The following CSMD1 variants were observed in gnomAD, a reference collection of about 807,000 sequenced individuals.
CSMD1 encodes the protein CUB and sushi domain-containing protein 1.
A neutral mutation model predicts 417.5 loss-of-function variants in CSMD1; 213 were observed. The observed-to-expected ratio is 0.51, with a 90% CI of 0.46 to 0.57. CSMD1 has a LOEUF of 0.57. CSMD1 is among the 20% of genes least tolerant of loss of function. CSMD1 has a pLI of 0.00. For synonymous variants in CSMD1, 2,862 were observed against 1,736.8 expected (o/e 1.65, Z -16.11); for missense variants, 6,923 against 4,529.7 (o/e 1.53, Z -15.17).
At position 4,262,790 on chromosome 8, in the gene CSMD1, G is replaced by C. The variant is rs557244908; in HGVS notation, c.415+157163C>G. On this transcript the variant is annotated intron_variant, in intron 3 of 69. Transcript: ENST00000635120. ...TCAGCTATGGAGAGGAAGGAAGTAT[G>C]TTCCACCAGATACCCAGAGACAATG... Among the ~76,000 whole-genome samples the C allele has an allele frequency of 8.5e-5, 13 of 152,290 alleles. No homozygotes were observed. The South Asian group carries it at 2.5e-3, about 29-fold the overall frequency.
At chr8:4,709,448 T>G (rs538000440) in intron 1 of CSMD1, among the ~76,000 whole-genome samples, 1 of 152,076 alleles carries the variant, frequency 6.6e-6, no homozygotes, top group Admixed American at 6.6e-5. Flanking sequence ...ACACAGGAAA[T>G]AGAGGGACTC....
intron 1 of CSMD1, among the ~76,000 whole-genome samples, chr8:4,954,959 C>G (rs2117302042): frequency 6.6e-6 from 1 of 152,250 alleles, no homozygotes; most frequent in East Asian, 1.9e-4. Flanking sequence ...ACACTTTTAT[C>G]TTTTAGAATG....
intron 18 of CSMD1, among the ~76,000 whole-genome samples, chr8:3,379,943 A>G (rs1810531395): frequency 6.6e-6 from 1 of 152,188 alleles, no homozygotes; most frequent in African/African-American, 2.4e-5. Context: ...AAAGTACCTC[A>G]GAGTGAACAG....
At chr8:3,902,734 A>G (rs1408067547) in intron 5 of CSMD1, among the ~76,000 whole-genome samples, 1 of 151,932 alleles carries the variant, frequency 6.6e-6, no homozygotes, top group Non-Finnish European at 1.5e-5. Context: ...GGGATTAGAG[A>G]CCCCTGCTGA....
At chr8:3,204,548 G>A (rs893229128) in intron 31 of CSMD1, among the ~76,000 whole-genome samples, 2 of 152,158 alleles carry the variant, frequency 1.3e-5, no homozygotes, top group Non-Finnish European at 2.9e-5. Context: ...GAACAGCAAG[G>A]TTTGGGGAGG....
Position 3,310,608 on chromosome 8 carries a change from C to G in CSMD1, c.3632-2105G>C, listed in dbSNP as rs143186567. ...GAAATAACCATTAGGCACACAAAAT[C>G]GGGGTGTAAAAAACTTTTGAGTTCA... On this transcript the variant is annotated intron_variant, in intron 23 of 69. Coordinates refer to ENST00000635120, the MANE Select transcript of CSMD1 (RefSeq NM_033225.6). Among the ~76,000 whole-genome samples, 6 of 152,246 alleles carry G rather than the reference C, an allele frequency of 3.9e-5. No homozygotes were observed. The East Asian group carries it at 1.2e-3, about 29-fold the overall frequency.
intron 2 of CSMD1, among the ~76,000 whole-genome samples, chr8:4,460,101 C>T (rs1257559062): frequency 6.6e-6 from 1 of 152,104 alleles, no homozygotes; most frequent in Admixed American, 6.5e-5. Context: ...CACAACAGAG[C>T]ATATGCCATG....
At chr8:4,884,307 A>T (rs1465271993) in intron 1 of CSMD1, among the ~76,000 whole-genome samples, 2 of 151,926 alleles carry the variant, frequency 1.3e-5, no homozygotes, top group Non-Finnish European at 1.5e-5. Context: ...CGCCCAATTT[A>T]TCTCCCATTC....
At chr8:3,734,327 GC>G (rs1796416139) in intron 6 of CSMD1, among the ~76,000 whole-genome samples, 1 of 152,146 alleles carries the variant, frequency 6.6e-6, no homozygotes, top group African/African-American at 2.4e-5. Flanking sequence ...ATTACTGATA[GC>G]CAAGAGACTG....
chr8:3,776,029 T>A (rs1798868755), intron 5 of CSMD1, among the ~76,000 whole-genome samples: 1 of 152,192 alleles, frequency 6.6e-6, no homozygotes, highest in African/African-American at 2.4e-5. Flanking sequence ...TGACTCTCTA[T>A]TCCATGTGCT....
rs1014986977 is a variant in CSMD1 at position 4,103,279 on chromosome 8, C to G, written c.416-71180G>C. ...GTATACATACATTATATATATCATACTGAAAGTATGACGTGTGTGTGCATA... is the reference window on the plus strand; with the variant it reads ...GTATACATACATTATATATATCATAGTGAAAGTATGACGTGTGTGTGCATA... On this transcript the variant is annotated intron_variant, in intron 3 of 69. Coordinates refer to ENST00000635120, the MANE Select transcript of CSMD1 (RefSeq NM_033225.6). 2.0e-4 allele frequency among the ~76,000 whole-genome samples: 18 copies of G among 91,826 alleles called. No homozygotes were observed. In the East Asian group the frequency reaches 5.4e-3, roughly 28 times the overall value. 60.2% of individuals were successfully genotyped at this position (91,826 alleles called of 152,430 possible).
At chr8:3,851,945 G>C (rs531501704) in intron 5 of CSMD1, among the ~76,000 whole-genome samples, 6 of 152,260 alleles carry the variant, frequency 3.9e-5, no homozygotes, top group African/African-American at 1.4e-4. Flanking sequence ...GAATATGTGA[G>C]CTAGAGAGAT....
intron 18 of CSMD1, among the ~76,000 whole-genome samples, chr8:3,386,507 G>C (rs58689594): frequency 8.7e-4 from 132 of 152,278 alleles, no homozygotes; most frequent in African/African-American, 3.1e-3. Flanking sequence ...TGGTGACAAA[G>C]GTCAAAGATT....
chr8:4,972,663 C>G (rs1314808481), intron 1 of CSMD1, among the ~76,000 whole-genome samples: 1 of 151,546 alleles, frequency 6.6e-6, no homozygotes, highest in Non-Finnish European at 1.5e-5. Context: ...TATTCAAAGA[C>G]AAATCGTTGA....
intron 37 of CSMD1, among the ~76,000 whole-genome samples, chr8:3,174,857 G>T (rs925176129): frequency 4.6e-5 from 7 of 151,954 alleles, no homozygotes; most frequent in African/African-American, 1.7e-4. Context: ...CACTTAAAGA[G>T]AAGGCAGTTT....
intron 9 of CSMD1, among the ~76,000 whole-genome samples, chr8:3,583,792 C>T (rs901129688): frequency 2.0e-5 from 3 of 152,018 alleles, no homozygotes; most frequent in African/African-American, 7.2e-5. Flanking sequence ...CCTGAAACCT[C>T]AGAGTGACTG....
intron 5 of CSMD1, among the ~76,000 whole-genome samples, chr8:3,769,969 A>G (rs1021348509): frequency 2.6e-5 from 4 of 152,172 alleles, no homozygotes; most frequent in Admixed American, 2.6e-4. Flanking sequence ...TTTGAAAGGC[A>G]CTCTGTGAAT....
chr8:4,193,745 A>T (rs982358169), intron 3 of CSMD1, among the ~76,000 whole-genome samples: 1 of 152,118 alleles, frequency 6.6e-6, no homozygotes, highest in South Asian at 2.1e-4. Flanking sequence ...AATGTTTAAC[A>T]AGTGATTTTG....
chr8:3,458,471 T>G (rs771798462), intron 12 of CSMD1, among the ~76,000 whole-genome samples: 4 of 152,192 alleles, frequency 2.6e-5, no homozygotes, highest in Non-Finnish European at 5.9e-5. Context: ...CATATCTTCA[T>G]ACAAACTCTC....
Sources: allele counts gnomAD v4.1 joint callset (sites outside exome capture counted in the v4.1 genomes callset), GRCh38; gene constraint gnomAD v4.1.1; transcripts MANE v1.5; gene names NCBI Gene and HGNC (gene_info 2026-07-23, HGNC 2026-07-21).